The following ITGA9 variants were observed in gnomAD, a reference collection of about 807,000 sequenced individuals.
The protein encoded by ITGA9 is integrin subunit alpha 9, also known as integrin alpha-9.
Under a neutral mutation model 127.8 loss-of-function variants are expected in ITGA9, and 56 were observed. That is an observed-to-expected ratio of 0.44 (90% CI 0.35 to 0.55). The LOEUF (loss-of-function observed/expected upper bound fraction) is 0.55, where lower values mean the gene tolerates loss of function less well. Among genes scored for constraint, ITGA9 ranks in the 20% least tolerant of loss-of-function variants. The pLI, the probability that ITGA9 is intolerant of heterozygous loss-of-function variation, is 0.00. For synonymous variants in ITGA9, 508 were observed against 514.5 expected, an observed-to-expected ratio of 0.99 and a Z score of 0.17; for missense variants, 1,196 against 1,347.1, an observed-to-expected ratio of 0.89 and a Z score of 1.76.
intron 22 of ITGA9, chr3:37,748,492 A>G: frequency 1.8e-6 from 1 of 542,226 alleles, no homozygotes; most frequent in Non-Finnish European, 3.4e-6. Flanking sequence ...TCACGCCTGT[A>G]ATCCTAACAC....
chr3:37,453,287 G>GGA (rs1420606319), intron 1 of ITGA9, among the ~76,000 whole-genome samples: 1 of 152,190 alleles, frequency 6.6e-6, no homozygotes, highest in Non-Finnish European at 1.5e-5. Flanking sequence ...CATTCGACCC[G>GGA]GAGACCTTCA....
At chr3:37,592,472 C>G (rs1260396781) in intron 15 of ITGA9, among the ~76,000 whole-genome samples, 1 of 152,158 alleles carries the variant, frequency 6.6e-6, no homozygotes, top group Non-Finnish European at 1.5e-5. Context: ...AACACTCCAG[C>G]CTAGAAATGA....
chr3:37,818,372 C>T (rs59692401), intron 27 of ITGA9: 7,631 of 155,238 alleles, frequency 0.049, 317 homozygotes, highest in East Asian at 0.19. Context: ...AAGCGATTCT[C>T]GTGCCCCAGC....
intron 15 of ITGA9, among the ~76,000 whole-genome samples, chr3:37,547,846 A>G (rs922429409): frequency 6.6e-6 from 1 of 152,228 alleles, no homozygotes; most frequent in African/African-American, 2.4e-5. Context: ...AAATGGTTAT[A>G]AAAGTTGTCA....
At chr3:37,496,285 T>C (rs2125566478) in intron 5 of ITGA9, among the ~76,000 whole-genome samples, 1 of 152,344 alleles carries the variant, frequency 6.6e-6, no homozygotes, top group East Asian at 1.9e-4. Flanking sequence ...CCCTCAGTGA[T>C]TCTTACCTCG....
chr3:37,535,150 A>C (rs937706261), intron 14 of ITGA9, among the ~76,000 whole-genome samples: 2 of 152,388 alleles, frequency 1.3e-5, no homozygotes, highest in East Asian at 3.9e-4. Context: ...TTATGTATCC[A>C]CATGTGCCAG....
intron 23 of ITGA9, among the ~76,000 whole-genome samples, chr3:37,753,158 A>G (rs74895379): frequency 0.019 from 2,872 of 152,306 alleles, 86 homozygotes; most frequent in African/African-American, 0.065. Context: ...AATAGAGGGG[A>G]AGAATGACAG....
intron 26 of ITGA9, among the ~76,000 whole-genome samples, chr3:37,785,703 T>C (rs1207576947): frequency 6.6e-6 from 1 of 152,168 alleles, no homozygotes. Context: ...GGTCTCAAAC[T>C]CCTGGCTTCA....
At chr3:37,696,471 G>A (rs901228093) in intron 18 of ITGA9, among the ~76,000 whole-genome samples, 1 of 152,168 alleles carries the variant, frequency 6.6e-6, no homozygotes, top group Admixed American at 6.5e-5. Flanking sequence ...CAATGTGTTT[G>A]GATTTCTGTC....
intron 20 of ITGA9, among the ~76,000 whole-genome samples, chr3:37,738,941 G>C (rs1057401931): frequency 2.0e-5 from 3 of 152,182 alleles, no homozygotes; most frequent in Admixed American, 2.0e-4. Flanking sequence ...ATGCATATTA[G>C]AATCGCCTGG....
At chr3:37,508,194 T>C (rs1013244168) in intron 7 of ITGA9, among the ~76,000 whole-genome samples, 2 of 152,256 alleles carry the variant, frequency 1.3e-5, no homozygotes, top group Non-Finnish European at 2.9e-5. Context: ...GTCCAATCCA[T>C]ACCACCAACT....
chr3:37,660,682 G>T (rs1052383486), intron 17 of ITGA9, among the ~76,000 whole-genome samples: 10 of 152,070 alleles, frequency 6.6e-5, no homozygotes, highest in African/African-American at 2.2e-4. Flanking sequence ...CACAAAAAAG[G>T]CTGAATAAAA....
chr3:37,511,976 T>C (rs1460672728), intron 8 of ITGA9, among the ~76,000 whole-genome samples: 1 of 13,874 alleles, frequency 7.2e-5, no homozygotes, highest in African/African-American at 1.4e-4. Flanking sequence ...TTCTTTTCTT[T>C]TCTTTTCTTT....
intron 14 of ITGA9, among the ~76,000 whole-genome samples, chr3:37,535,960 C>A (rs200163425): frequency 6.6e-6 from 1 of 152,052 alleles, no homozygotes; most frequent in African/African-American, 2.4e-5. Context: ...AATGGGCAGG[C>A]CTTATGGAAA....
chr3:37,729,356 A>G (rs1183413888), intron 18 of ITGA9, among the ~76,000 whole-genome samples: 1 of 152,162 alleles, frequency 6.6e-6, no homozygotes, highest in African/African-American at 2.4e-5. Flanking sequence ...CATGAACCAT[A>G]AGCTCAGCTC....
At chr3:37,646,562 C>T (rs1480051207) in intron 16 of ITGA9, among the ~76,000 whole-genome samples, 1 of 152,196 alleles carries the variant, frequency 6.6e-6, no homozygotes, top group Non-Finnish European at 1.5e-5. Flanking sequence ...AAGGTTTGAA[C>T]CTCCTTTAAC....
intron 15 of ITGA9, among the ~76,000 whole-genome samples, chr3:37,598,030 C>G (rs1293732246): frequency 3.9e-5 from 6 of 152,220 alleles, no homozygotes; most frequent in African/African-American, 1.4e-4. Flanking sequence ...CTATTTGCAA[C>G]AGTCACTAAT....
intron 15 of ITGA9, among the ~76,000 whole-genome samples, chr3:37,593,670 G>A (rs1699842172): frequency 6.6e-6 from 1 of 152,200 alleles, no homozygotes; most frequent in African/African-American, 2.4e-5. Flanking sequence ...TGGGAGTTAG[G>A]GCTTAAAAAT....
intron 23 of ITGA9, among the ~76,000 whole-genome samples, chr3:37,761,084 A>C (rs1008238592): frequency 5.9e-5 from 9 of 152,200 alleles, no homozygotes; most frequent in African/African-American, 1.9e-4. Flanking sequence ...ACTTGAGGCC[A>C]GGAGTTCAAA....
Sources: gnomAD v4.1 joint callset for allele counts (sites outside exome capture counted in the v4.1 genomes callset) on GRCh38, gnomAD v4.1.1 for gene constraint, MANE v1.5 for transcripts, NCBI Gene and HGNC (gene_info 2026-07-23, HGNC 2026-07-21) for gene names.